The following CYP2C8 variants were observed in gnomAD, a reference collection of about 807,000 sequenced individuals.
CYP2C8 encodes the protein cytochrome P450 family 2 subfamily C member 8.
A neutral mutation model predicts 41.3 loss-of-function variants in CYP2C8; 51 were observed. That is an observed-to-expected ratio of 1.24 (90% CI 0.99 to 1.56). The LOEUF is 1.56. CYP2C8 is among the 40% of genes most tolerant of loss of function. The pLI is 0.00. For missense variants in CYP2C8, 651 were observed against 579.9 expected (o/e 1.12, Z -1.26); for synonymous variants, 218 against 205.8 (o/e 1.06, Z -0.51).
chr10:95,037,135 G>A lies in CYP2C8; in HGVS notation c.1466C>T (p.Pro489Leu), dbSNP rs140481138. 3.7e-6 allele frequency: 6 copies of A among 1,613,738 alleles called. No individual in the cohort carries two copies. The African/African-American group carries it at 6.7e-5, about 18-fold the overall frequency. ...CAGATGGGCTAGCATTCTTCAGACA[G>A]GGATGAAGCAGATCTGGTATGAGGG... ...LPPSYQICFI[P>L]V Residue 489 changes from proline (P) to leucine (L), a missense_variant, in exon 9 of 9, where the codon CCT becomes CTT. Physicochemically the swap from Pro to Leu is moderately conservative, Grantham distance 98 (BLOSUM62 -3). Coordinates refer to ENST00000371270, the MANE Select transcript of CYP2C8 (RefSeq NM_000770.3).
Position 95,069,488 on chromosome 10 carries a change from T to G in CYP2C8, c.-86A>C, listed in dbSNP as rs11572066. On this transcript the variant is annotated 5_prime_UTR_variant, in exon 1 of 9. Coordinates refer to ENST00000371270, the MANE Select transcript of CYP2C8 (RefSeq NM_000770.3). ...TCCCTGCTAATTTAGTGTGTGTCTC[T>G]TTGACATGTAAAGTAAACAATCACC... The G allele has an allele frequency of 1.8e-3, 2,002 of 1,105,196 alleles. 29 individuals are homozygous for G. The African/African-American group carries it at 0.028, about 16-fold the overall frequency. 68.5% of individuals were successfully genotyped at this position (1,105,196 alleles called of 1,614,324 possible).
intron 5 of CYP2C8, among the ~76,000 whole-genome samples, chr10:95,048,425 C>T (rs1269390090): frequency 6.6e-6 from 1 of 152,154 alleles, no homozygotes; most frequent in East Asian, 1.9e-4. Flanking sequence ...CAGGTGCAAG[C>T]ACCACCTCTG....
At chr10:95,063,044 C>T (rs915985530) in intron 4 of CYP2C8, among the ~76,000 whole-genome samples, 2 of 152,154 alleles carry the variant, frequency 1.3e-5, no homozygotes, top group Non-Finnish European at 2.9e-5. Context: ...GTGGGTAACC[C>T]GCCCTTTCTC....
chr10:95,068,556 A>C, intron 1 of CYP2C8: 1 of 1,267,794 alleles, frequency 7.9e-7, no homozygotes, highest in Non-Finnish European at 1.0e-6. Context: ...CTACTATAGT[A>C]GAGAACTTAT....
At chr10:95,062,391 G>T (rs1375765503) in intron 4 of CYP2C8, among the ~76,000 whole-genome samples, 2 of 152,144 alleles carry the variant, frequency 1.3e-5, no homozygotes, top group East Asian at 3.9e-4. Flanking sequence ...TTACCATTAT[G>T]TAATGGCCTT....
chr10:95,059,834 A>G (rs2033387595), intron 4 of CYP2C8, among the ~76,000 whole-genome samples: 1 of 152,236 alleles, frequency 6.6e-6, no homozygotes, highest in Admixed American at 6.5e-5. Flanking sequence ...GGTGTAAGGA[A>G]GGGATCCAGT....
chr10:95,046,729 A>G (rs1012416992), intron 5 of CYP2C8, among the ~76,000 whole-genome samples: 2 of 144,994 alleles, frequency 1.4e-5, no homozygotes, highest in African/African-American at 2.6e-5. Context: ...AGTAATGAAG[A>G]CTTCTATACT....
At position 95,067,524 on chromosome 10, in the gene CYP2C8, C is replaced by T; in HGVS notation, c.331+5G>A. ...CAAAGCTGACACAGAAATATGTGCACCTACCAAGTCCTTTAGTAATTCTTT... is the reference window on the plus strand; with the variant it reads ...CAAAGCTGACACAGAAATATGTGCATCTACCAAGTCCTTTAGTAATTCTTT... On this transcript the variant is annotated splice_donor_5th_base_variant and intron_variant, in intron 2 of 8. Coordinates refer to ENST00000371270, the MANE Select transcript of CYP2C8 (RefSeq NM_000770.3). The T allele has an allele frequency of 6.2e-7, 1 of 1,614,090 alleles. No individual in the cohort carries two copies. The highest frequency in any genetic ancestry group is 1.1e-5 in the South Asian group (1 of 91,076).
chr10:95,052,258 G>A (rs1245040326), intron 5 of CYP2C8, among the ~76,000 whole-genome samples: 1 of 151,844 alleles, frequency 6.6e-6, no homozygotes, highest in Non-Finnish European at 1.5e-5. Flanking sequence ...GAACCATGAA[G>A]AAATCCAAAA....
rs764839435 is a variant in CYP2C8 at position 95,042,925 on chromosome 10, T to C, written c.1114A>G (p.Thr372Ala). The C allele has an allele frequency of 1.9e-5, 30 of 1,614,000 alleles. No homozygotes were observed. Among genetic ancestry groups the C allele is most frequent in the East Asian group, 4.5e-5 (2 of 44,900 alleles). ...VPTGVPHAVT[T>A]DTKFRNYLIP... Reference sequence around the variant, plus strand: ...AGGTAGTTTCTGAACTTAGTATCAGTGGTCACTGCATGGGGCACACCGGTG... The same window carrying C: ...AGGTAGTTTCTGAACTTAGTATCAGCGGTCACTGCATGGGGCACACCGGTG... Residue 372 changes from threonine (T) to alanine (A), a missense_variant, in exon 7 of 9, where the codon ACT becomes GCT. Physicochemically the swap from Thr to Ala is moderately conservative, Grantham distance 58. Coordinates refer to ENST00000371270, the MANE Select transcript of CYP2C8 (RefSeq NM_000770.3).
intron 5 of CYP2C8, among the ~76,000 whole-genome samples, chr10:95,051,925 C>T (rs1195863202): frequency 6.6e-6 from 1 of 151,866 alleles, no homozygotes; most frequent in Non-Finnish European, 1.5e-5. Context: ...AAAGCTGGAG[C>T]AAACCAAACC....
At chr10:95,043,124 C>T (rs1282430369) in intron 6 of CYP2C8, 47 bp from the exon 7 acceptor site, 1 of 1,569,392 alleles carries the variant, frequency 6.4e-7, no homozygotes, top group East Asian at 2.2e-5. Context: ...ATATATGGAA[C>T]ATTTGTCATA....
chr10:95,052,438 A>G (rs983598113), intron 5 of CYP2C8, among the ~76,000 whole-genome samples: 1 of 152,250 alleles, frequency 6.6e-6, no homozygotes, highest in Admixed American at 6.5e-5. Flanking sequence ...GAATACTTCC[A>G]AATTAATTCT....
chr10:95,061,006 G>T (rs2033416579), intron 4 of CYP2C8, among the ~76,000 whole-genome samples: 1 of 152,148 alleles, frequency 6.6e-6, no homozygotes, highest in African/African-American at 2.4e-5. Context: ...CTTGATCGTG[G>T]TGGATAAGCT....
At chr10:95,058,569 C>A in intron 4 of CYP2C8, 58 bp from the exon 5 acceptor site, 9 of 1,432,664 alleles carry the variant, frequency 6.3e-6, no homozygotes, top group Non-Finnish European at 8.6e-6. Flanking sequence ...TATCTTACAC[C>A]AAGCCCTGAT....
rs2033353535 is a variant in CYP2C8, at chr10:95,058,421, T to G, written c.733A>C (p.Arg245=). Residue 245 remains arginine (R), a synonymous_variant, in exon 5 of 9, where the codon AGG becomes CGG. Transcript: ENST00000371270. ...KNVALTRSYI[R]EKVKEHQASL... ...GCTTGGTGTTCTTTTACTTTCTCCCTAATGTAACTTCGTGTAAGAGCAACA... is the reference window on the plus strand; with the variant it reads ...GCTTGGTGTTCTTTTACTTTCTCCCGAATGTAACTTCGTGTAAGAGCAACA... 3 of 1,613,422 alleles carry G rather than the reference T, an allele frequency of 1.9e-6. No homozygotes were observed. Among genetic ancestry groups the G allele is most frequent in the Non-Finnish European group, 2.5e-6 (3 of 1,179,702 alleles).
chr10:95,056,620 C>G (rs2033319341), intron 5 of CYP2C8, among the ~76,000 whole-genome samples: 1 of 152,120 alleles, frequency 6.6e-6, no homozygotes, highest in Admixed American at 6.5e-5. Context: ...CCCTCCATAT[C>G]ATTATGCTAA....
chr10:95,054,560 A>T (rs80073238), intron 5 of CYP2C8, among the ~76,000 whole-genome samples: 7,140 of 152,234 alleles, frequency 0.047, 250 homozygotes, highest in Middle Eastern at 0.16. Context: ...CCTAGCCAAA[A>T]CAATTAGACA....
chr10:95,040,572 A>G (rs1338073479), intron 7 of CYP2C8, among the ~76,000 whole-genome samples: 1 of 152,194 alleles, frequency 6.6e-6, no homozygotes, highest in Non-Finnish European at 1.5e-5. Flanking sequence ...TAAAGCTGCA[A>G]AGACCAAAAT....
Sources: allele counts gnomAD v4.1 joint callset (sites outside exome capture counted in the v4.1 genomes callset), GRCh38; gene constraint gnomAD v4.1.1; transcripts MANE v1.5; gene names NCBI Gene and HGNC (gene_info 2026-07-23, HGNC 2026-07-21).